The following ENOX1 variants were observed in gnomAD, a reference collection of about 807,000 sequenced individuals.
ENOX1 encodes ecto-NOX disulfide-thiol exchanger 1.
Under a neutral mutation model 82.5 loss-of-function variants are expected in ENOX1, and 42 were observed. The ratio of observed to expected loss-of-function variants is 0.51; its 90% CI spans 0.40 to 0.66. The LOEUF (loss-of-function observed/expected upper bound fraction) is 0.66, where lower values mean the gene tolerates loss of function less well. ENOX1 is among the 30% of genes least tolerant of loss of function. The pLI is 0.00. For missense variants in ENOX1, 608 were observed against 811.6 expected (o/e 0.75, Z 3.05); for synonymous variants, 271 against 282.2 (o/e 0.96, Z 0.40).
At chr13:43,776,414 G>A (rs932635677) in intron 1 of ENOX1, among the ~76,000 whole-genome samples, 7 of 151,446 alleles carry the variant, frequency 4.6e-5, no homozygotes, top group African/African-American at 1.7e-4. Context: ...TGCAGGTAAC[G>A]TCTACCCCAC....
At chr13:43,752,891 A>C in intron 1 of ENOX1, among the ~76,000 whole-genome samples, 1 of 148,616 alleles carries the variant, frequency 6.7e-6, no homozygotes, top group African/African-American at 2.5e-5. Flanking sequence ...ACAGAGTCTC[A>C]CTCTCTCACC....
chr13:43,616,178 C>CTATATAGATATCTATAGATATATAGA lies in ENOX1; in HGVS notation c.-219+51300_-219+51301insTCTATATATCTATAGATATCTATATA, dbSNP rs1566642064. 2.1e-3 allele frequency among the ~76,000 whole-genome samples: 14 copies of CTATATAGATATCTATAGATATATAGA among 6,566 alleles called. 2 individuals carry two copies. Among genetic ancestry groups the CTATATAGATATCTATAGATATATAGA allele is most frequent in the East Asian group, 0.043 (2 of 46 alleles). The allele number at this position is 6,566 out of a possible 152,430, so 4.3% of individuals were successfully genotyped here. ...GATAGATATCTATCTATCTATCTAT[C>CTATATAGATATCTATAGATATATAGA]TATCTATCTATATATATATATATAT... On this transcript the variant is annotated intron_variant, in intron 2 of 16. Coordinates refer to ENST00000690772, the MANE Select transcript of ENOX1 (RefSeq NM_001347969.2).
chr13:43,259,093 T>A (rs1342193579), intron 14 of ENOX1, among the ~76,000 whole-genome samples: 1 of 152,158 alleles, frequency 6.6e-6, no homozygotes, highest in Non-Finnish European at 1.5e-5. Context: ...GCTGATCACA[T>A]CAGCACTGCA....
intron 3 of ENOX1, among the ~76,000 whole-genome samples, chr13:43,462,787 C>A (rs988613695): frequency 6.6e-6 from 1 of 152,158 alleles, no homozygotes; most frequent in Non-Finnish European, 1.5e-5. Flanking sequence ...AACGAGTCAA[C>A]CTCACTCCCA....
intron 3 of ENOX1, among the ~76,000 whole-genome samples, chr13:43,474,597 T>A (rs1487849467): frequency 2.0e-5 from 3 of 152,180 alleles, no homozygotes; most frequent in East Asian, 3.8e-4. Flanking sequence ...CAGGTTTCAA[T>A]GTATTTGAAA....
intron 1 of ENOX1, among the ~76,000 whole-genome samples, chr13:43,716,081 G>T (rs1339279451): frequency 1.3e-5 from 2 of 152,238 alleles, no homozygotes; most frequent in Non-Finnish European, 2.9e-5. Flanking sequence ...TCTCCGTCCA[G>T]CTTTGTTCCG....
At chr13:43,453,757 GTGTA>G (rs1258077513) in intron 3 of ENOX1, among the ~76,000 whole-genome samples, 2 of 152,218 alleles carry the variant, frequency 1.3e-5, no homozygotes, top group African/African-American at 2.4e-5. Flanking sequence ...TAAGGGATAA[GTGTA>G]TGTGAGTGTG....
intron 1 of ENOX1, among the ~76,000 whole-genome samples, chr13:43,678,784 AT>A (rs1424235841): frequency 2.0e-5 from 3 of 152,164 alleles, no homozygotes; most frequent in African/African-American, 7.2e-5. Flanking sequence ...AATATAGCTT[AT>A]TTATCCTCTC....
Position 43,621,537 on chromosome 13 carries a change from C to T in ENOX1, c.-219+45942G>A, listed in dbSNP as rs544672065. ...GCTTAGTTTCACTGGATATAAAATT[C>T]TTGGCTGATAATTGTTTTGTTTGAG... On this transcript the variant is annotated intron_variant, in intron 2 of 16. Transcript: ENST00000690772. 9.9e-5 allele frequency among the ~76,000 whole-genome samples: 15 copies of T among 152,186 alleles called. 1 individual carries two copies. The highest frequency in any genetic ancestry group is 5.9e-4 in the Admixed American group (9 of 15,278).
chr13:43,553,419 G>A (rs1003862865), intron 2 of ENOX1, among the ~76,000 whole-genome samples: 2 of 152,132 alleles, frequency 1.3e-5, no homozygotes, highest in Admixed American at 1.3e-4. Flanking sequence ...CTCTGACAAC[G>A]AAGGCCCAAA....
chr13:43,660,170 C>A (rs983796707), intron 2 of ENOX1, among the ~76,000 whole-genome samples: 17 of 152,188 alleles, frequency 1.1e-4, no homozygotes, highest in African/African-American at 4.1e-4. Context: ...CCTTTCTCCT[C>A]TGCTAGATTA....
At chr13:43,271,170 T>C (rs2044656953) in intron 12 of ENOX1, among the ~76,000 whole-genome samples, 1 of 152,156 alleles carries the variant, frequency 6.6e-6, no homozygotes, top group Non-Finnish European at 1.5e-5. Flanking sequence ...TCTTCAAAGG[T>C]AGGTAGCTCA....
intron 1 of ENOX1, among the ~76,000 whole-genome samples, chr13:43,754,176 C>T (rs898536222): frequency 2.7e-4 from 27 of 101,040 alleles, no homozygotes; most frequent in Admixed American, 1.3e-3. Flanking sequence ...ATACATTACA[C>T]GTATGTATGT....
intron 5 of ENOX1, among the ~76,000 whole-genome samples, chr13:43,405,538 C>T (rs2053742204): frequency 6.6e-6 from 1 of 152,222 alleles, no homozygotes; most frequent in African/African-American, 2.4e-5. Context: ...CTCTTTCAGC[C>T]TTCCCCACCT....
intron 1 of ENOX1, among the ~76,000 whole-genome samples, chr13:43,676,039 A>G (rs1158840547): frequency 6.6e-6 from 1 of 152,222 alleles, no homozygotes; most frequent in South Asian, 2.1e-4. Flanking sequence ...ATGAACCACA[A>G]GGCATCTACT....
At chr13:43,586,339 C>T (rs1056761696) in intron 2 of ENOX1, among the ~76,000 whole-genome samples, 3 of 152,248 alleles carry the variant, frequency 2.0e-5, no homozygotes, top group African/African-American at 7.2e-5. Flanking sequence ...CCTAGGCATC[C>T]AACTGTAATG....
At chr13:43,299,780 A>C (rs575210287) in intron 11 of ENOX1, among the ~76,000 whole-genome samples, 1 of 152,316 alleles carries the variant, frequency 6.6e-6, no homozygotes, top group East Asian at 1.9e-4. Context: ...TTGTTACCAG[A>C]AACTTCAAAC....
chr13:43,614,595 TC>T (rs1321853195), intron 2 of ENOX1, among the ~76,000 whole-genome samples: 1 of 149,804 alleles, frequency 6.7e-6, no homozygotes, highest in Non-Finnish European at 1.5e-5. Context: ...TTCTCTGTCT[TC>T]CTCTCCCTCC....
chr13:43,281,743 T>A (rs765220651), intron 12 of ENOX1, among the ~76,000 whole-genome samples: 4 of 152,204 alleles, frequency 2.6e-5, no homozygotes, highest in Non-Finnish European at 4.4e-5. Context: ...TATTTAAGTT[T>A]TCACTGTAGA....
Sources: gnomAD v4.1 joint callset for allele counts (sites outside exome capture counted in the v4.1 genomes callset) on GRCh38, gnomAD v4.1.1 for gene constraint, MANE v1.5 for transcripts, NCBI Gene and HGNC (gene_info 2026-07-23, HGNC 2026-07-21) for gene names.